EDEM1: variants seen among roughly 807,000 people sequenced by gnomAD.
EDEM1 encodes the protein ER degradation-enhancing alpha-mannosidase-like protein 1.
In EDEM1, 67 loss-of-function variants were observed where a neutral mutation model predicts 74.4. The observed-to-expected ratio is 0.90, with a 90% CI of 0.74 to 1.10. The LOEUF (loss-of-function observed/expected upper bound fraction) is 1.10. EDEM1 is among the 50% of genes least tolerant of loss of function. EDEM1 has a pLI of 0.00. For missense variants in EDEM1, 926 were observed against 851.6 expected (o/e 1.09, Z -1.09); for synonymous variants, 382 against 335.9 (o/e 1.14, Z -1.50).
intron 1 of EDEM1, among the ~76,000 whole-genome samples, chr3:5,191,226 T>C (rs2054898684): frequency 1.3e-5 from 2 of 149,566 alleles, no homozygotes; most frequent in Admixed American, 1.3e-4. Context: ...TTCATATTTT[T>C]TGTTTGTTTG....
At chr3:5,203,193 C>A in intron 5 of EDEM1, 44 bp downstream of exon 5, 1 of 1,482,998 alleles carries the variant, frequency 6.7e-7, no homozygotes, top group Non-Finnish European at 9.0e-7. Context: ...ACTGCTTGGT[C>A]CCCTTTTCCT....
In EDEM1 at chr3:5,201,858, C is replaced by T. The variant is rs560288900; in HGVS notation, c.792C>T (p.Ala264=). The T allele has an allele frequency of 2.2e-5, 35 of 1,614,058 alleles. No individual in the cohort carries two copies. Among genetic ancestry groups the T allele is most frequent in the African/African-American group, 2.7e-5 (2 of 74,914 alleles). ...ATGATAATGAGTTGTTATACATGGC[C>T]CATGACCTGGCGGTGCGGCTCCTCC... ...KDYDNELLYM[A]HDLAVRLLPA... is the part of the protein sequence containing the mutation. Residue 264 remains alanine, a synonymous_variant, in exon 4 of 12, where the codon GCC becomes GCT. Transcript: ENST00000256497.
At chr3:5,193,217 G>A (rs912887813) in intron 1 of EDEM1, among the ~76,000 whole-genome samples, 10 of 152,210 alleles carry the variant, frequency 6.6e-5, no homozygotes, top group Admixed American at 2.6e-4. Flanking sequence ...CTGATGAGGT[G>A]GGCTGTTGAA....
At chr3:5,188,809 T>G (rs2054864048) in intron 1 of EDEM1, among the ~76,000 whole-genome samples, 1 of 152,218 alleles carries the variant, frequency 6.6e-6, no homozygotes, top group African/African-American at 2.4e-5. Flanking sequence ...TATAGTTGAC[T>G]TCTCCAAAGC....
At chr3:5,200,332 C>G (rs1055766849) in intron 3 of EDEM1, among the ~76,000 whole-genome samples, 3 of 152,264 alleles carry the variant, frequency 2.0e-5, no homozygotes, top group African/African-American at 7.2e-5. Flanking sequence ...TTCACCGTGT[C>G]CTAGGACAAC....
intron 1 of EDEM1, among the ~76,000 whole-genome samples, chr3:5,189,941 C>T (rs1217979579): frequency 3.3e-5 from 5 of 151,640 alleles, no homozygotes; most frequent in Admixed American, 6.6e-5. Flanking sequence ...TTATTTGGCT[C>T]ACTTAACTAG....
In EDEM1 at chr3:5,202,993, G is replaced by T; in HGVS notation, c.886G>T (p.Asp296Tyr). ...RVNLKTGVPP[D>Y]TNNETCTAGA... ...GAATCTAAAGACAGGAGTTCCTCCT[G>T]ACACCAATAATGAGACATGCACAGC... The change falls in exon 5 of 12, where the codon GAC becomes TAC. Residue 296 changes from aspartate (D) to tyrosine (Y), a missense_variant. Coordinates refer to ENST00000256497, the MANE Select transcript of EDEM1 (RefSeq NM_014674.3). 1.9e-6 allele frequency: 3 copies of T among 1,613,566 alleles called. No homozygotes were observed. The highest frequency in any genetic ancestry group is 2.5e-6 in the Non-Finnish European group (3 of 1,179,792).
intron 2 of EDEM1, among the ~76,000 whole-genome samples, chr3:5,197,081 TTCC>T (rs2054978971): frequency 7.2e-5 from 8 of 111,616 alleles, no homozygotes; most frequent in African/African-American, 2.6e-4. Flanking sequence ...TTTTTTTTTT[TTCC>T]CCATTTTGTT....
At chr3:5,188,337 G>T (rs1182592005) in intron 1 of EDEM1, 23 bp downstream of exon 1, 23 of 1,405,418 alleles carry the variant, frequency 1.6e-5, no homozygotes, top group Admixed American at 3.3e-5. Context: ...CGCCGCCCGG[G>T]GCCGCGCGCC....
chr3:5,212,775 G>A (rs1455408414), intron 10 of EDEM1, among the ~76,000 whole-genome samples: 2 of 152,200 alleles, frequency 1.3e-5, no homozygotes, highest in Non-Finnish European at 2.9e-5. Context: ...CACCATTGAG[G>A]GAAAGGACTG....
intron 10 of EDEM1, among the ~76,000 whole-genome samples, chr3:5,213,045 C>T (rs189841623): frequency 1.3e-5 from 2 of 152,280 alleles, no homozygotes; most frequent in East Asian, 1.9e-4. Flanking sequence ...GTGCTTGGGC[C>T]TTAGTTTCAG....
chr3:5,201,955 G>A, intron 4 of EDEM1, 31 bp downstream of exon 4: 1 of 1,582,502 alleles, frequency 6.3e-7, no homozygotes, highest in Non-Finnish European at 8.6e-7. Context: ...CTTTGTGTTT[G>A]ACAATTCACT....
chr3:5,201,738 T>C lies in EDEM1; in HGVS notation c.687-15T>C. The C allele has an allele frequency of 6.2e-7, 1 of 1,614,010 alleles. No homozygotes were observed. ...CAACACGATTGTATTATCTTTTTGT[T>C]CTTCCTGTCATTAGGGTCCTGGGAA... On this transcript the variant is annotated splice_polypyrimidine_tract_variant and intron_variant, in intron 3 of 11. Coordinates refer to ENST00000256497, the MANE Select transcript of EDEM1 (RefSeq NM_014674.3).
chr3:5,198,600 G>A (rs1223937764), intron 2 of EDEM1, among the ~76,000 whole-genome samples: 4 of 151,462 alleles, frequency 2.6e-5, no homozygotes, highest in Admixed American at 2.6e-4. Flanking sequence ...ATTGTTTTGA[G>A]GGGAAGATCT....
At chr3:5,195,178 CTT>C (rs1243298655) in intron 1 of EDEM1, 29 bp from the exon 2 acceptor site, 1 of 1,320,412 alleles carries the variant, frequency 7.6e-7, no homozygotes, top group East Asian at 2.6e-5. Flanking sequence ...GAAATAAAGT[CTT>C]TTTGTTGAAT....
chr3:5,188,925 C>T (rs2054866381), intron 1 of EDEM1, among the ~76,000 whole-genome samples: 1 of 152,186 alleles, frequency 6.6e-6, no homozygotes, highest in South Asian at 2.1e-4. Context: ...ATGTGGCCCA[C>T]TTTTGGGGTC....
At chr3:5,215,355 T>A (rs2055221112) in intron 11 of EDEM1, among the ~76,000 whole-genome samples, 1 of 152,090 alleles carries the variant, frequency 6.6e-6, no homozygotes. Context: ...GAGTTGTGAA[T>A]GAGAAAAACA....
At chr3:5,195,337 C>A in intron 2 of EDEM1, 56 bp downstream of exon 2, 1 of 1,107,836 alleles carries the variant, frequency 9.0e-7, no homozygotes, top group South Asian at 1.7e-5. Context: ...AGTTGATTAT[C>A]CCTAGTTCCC....
intron 5 of EDEM1, among the ~76,000 whole-genome samples, chr3:5,203,830 T>G (rs1194580482): frequency 1.3e-5 from 2 of 152,160 alleles, no homozygotes; most frequent in African/African-American, 2.4e-5. Flanking sequence ...CTTGCCGGGT[T>G]CAGTGATCCT....
Sources: allele counts gnomAD v4.1 joint callset (sites outside exome capture counted in the v4.1 genomes callset), GRCh38; gene constraint gnomAD v4.1.1; transcripts MANE v1.5; gene names NCBI Gene and HGNC (gene_info 2026-07-23, HGNC 2026-07-21).